CACNA1D: variants seen among roughly 807,000 people sequenced by gnomAD.
The protein encoded by CACNA1D is voltage-dependent L-type calcium channel subunit alpha-1D.
A neutral mutation model predicts 257.1 loss-of-function variants in CACNA1D; 55 were observed. The observed-to-expected ratio is 0.21, with a 90% CI of 0.17 to 0.27. CACNA1D has a LOEUF of 0.27. CACNA1D is among the 10% of genes least tolerant of loss of function. The pLI, the probability that CACNA1D is intolerant of heterozygous loss-of-function variation, is 1.00. For missense variants in CACNA1D, 1,876 were observed against 2,784.0 expected, an observed-to-expected ratio of 0.67 and a Z score of 7.34; for synonymous variants, 980 against 1,014.9, an observed-to-expected ratio of 0.97 and a Z score of 0.65.
chr3:53,629,525 G>T (rs1472439668), intron 3 of CACNA1D, among the ~76,000 whole-genome samples: 1 of 152,216 alleles, frequency 6.6e-6, no homozygotes, highest in Non-Finnish European at 1.5e-5. Flanking sequence ...TGTCACTGGG[G>T]TGACTTTCTG....
chr3:53,500,021 G>A (rs2090524032), intron 2 of CACNA1D, among the ~76,000 whole-genome samples: 1 of 151,968 alleles, frequency 6.6e-6, no homozygotes, highest in South Asian at 2.1e-4. Context: ...AAATTAGTAA[G>A]GGAATAATGT....
At chr3:53,745,932 G>T in intron 25 of CACNA1D, 57 bp downstream of exon 25, 1 of 1,349,902 alleles carries the variant, frequency 7.4e-7, no homozygotes, top group Non-Finnish European at 1.1e-6. Flanking sequence ...AGACTTCAAG[G>T]ATTCACACAT....
At chr3:53,525,143 T>C (rs772994660) in intron 3 of CACNA1D, among the ~76,000 whole-genome samples, 6 of 152,196 alleles carry the variant, frequency 3.9e-5, no homozygotes, top group Non-Finnish European at 8.8e-5. Context: ...TTGGTGTATG[T>C]CTTATCCTTA....
chr3:53,805,711 C>CCCT (rs1031103270), intron 45 of CACNA1D, among the ~76,000 whole-genome samples: 1 of 151,152 alleles, frequency 6.6e-6, no homozygotes, highest in African/African-American at 2.4e-5. Flanking sequence ...CCCTCATCTT[C>CCCT]CCTCCTCCTC....
In CACNA1D at chr3:53,799,067, C is replaced by A. The variant is rs370729512; in HGVS notation, c.4924-1182C>A. ...TGAGGTTGAAGCATTTGCTGCACAT[C>A]CATTGTCTTAGCTGTTCTCCAGGCC... On this transcript the variant is annotated intron_variant, in intron 40 of 47. Transcript: ENST00000350061. Among the ~76,000 whole-genome samples the A allele has an allele frequency of 1.1e-4, 16 of 152,324 alleles. No homozygotes were observed. In the East Asian group the frequency reaches 1.4e-3, roughly 13 times the overall value.
chr3:53,515,441 C>G (rs2091294686), intron 3 of CACNA1D, among the ~76,000 whole-genome samples: 1 of 152,176 alleles, frequency 6.6e-6, no homozygotes, highest in African/African-American at 2.4e-5. Context: ...TACGGCACTT[C>G]ATCATAGGGT....
At chr3:53,728,197 GGT>G (rs1392169345) in intron 15 of CACNA1D, among the ~76,000 whole-genome samples, 1 of 152,144 alleles carries the variant, frequency 6.6e-6, no homozygotes, top group African/African-American at 2.4e-5. Flanking sequence ...GGAGTGCAGT[GGT>G]GCAATCTCGG....
chr3:53,796,730 C>T (rs2095509282), intron 40 of CACNA1D, among the ~76,000 whole-genome samples: 1 of 152,178 alleles, frequency 6.6e-6, no homozygotes, highest in Non-Finnish European at 1.5e-5. Flanking sequence ...CAGCAGTCTA[C>T]AGGCAAAGCG....
chr3:53,494,660 G>T lies in CACNA1D; in HGVS notation c.-507G>T. 2 of 146,058 alleles carry T rather than the reference G, an allele frequency of 1.4e-5. No homozygotes were observed. Among genetic ancestry groups the T allele is most frequent in the South Asian group, 1.9e-4 (1 of 5,398 alleles). 9.0% of individuals were successfully genotyped at this position (146,058 alleles called of 1,614,324 possible). ...GCGGGCGCGGAGCGAGCGGGCGGGC[G>T]AGCGCCTCCGTCCCCGGATGTGAGC... On this transcript the variant is annotated 5_prime_UTR_variant, in exon 1 of 48. Coordinates refer to ENST00000350061, the MANE Select transcript of CACNA1D (RefSeq NM_001128840.3).
At chr3:53,605,199 G>A (rs1005766817) in intron 3 of CACNA1D, among the ~76,000 whole-genome samples, 11 of 152,200 alleles carry the variant, frequency 7.2e-5, no homozygotes, top group Non-Finnish European at 1.6e-4. Context: ...TGTGGGTAGG[G>A]AGATCCTCCA....
intron 3 of CACNA1D, among the ~76,000 whole-genome samples, chr3:53,567,586 G>A (rs973774658): frequency 3.9e-5 from 6 of 152,178 alleles, no homozygotes. Flanking sequence ...TTTGATTACA[G>A]AGGAGCGAGA....
Position 53,643,711 on chromosome 3 carries a change from G to C in CACNA1D, c.484-7068G>C, listed in dbSNP as rs544072504. ...ACATGAGAAACGAAGACCAAACCCC[G>C]TACCGTGGCACCTGGGGCCCTTTGT... On this transcript the variant is annotated intron_variant, in intron 3 of 47. Transcript: ENST00000350061. 2.0e-5 allele frequency among the ~76,000 whole-genome samples: 3 copies of C among 152,180 alleles called. No homozygotes were observed. The South Asian group carries it at 6.2e-4, about 32-fold the overall frequency.
chr3:53,524,766 T>G (rs1414405006), intron 3 of CACNA1D, among the ~76,000 whole-genome samples: 10 of 152,360 alleles, frequency 6.6e-5, no homozygotes, highest in African/African-American at 2.2e-4. Flanking sequence ...CTTTTTCACA[T>G]AGCCTGTGGA....
intron 3 of CACNA1D, among the ~76,000 whole-genome samples, chr3:53,562,454 T>C (rs1297759177): frequency 6.6e-6 from 1 of 152,250 alleles, no homozygotes; most frequent in Non-Finnish European, 1.5e-5. Context: ...ATCCATTTGG[T>C]AAAATGTGAC....
At chr3:53,577,099 A>G (rs2093050937) in intron 3 of CACNA1D, among the ~76,000 whole-genome samples, 1 of 152,152 alleles carries the variant, frequency 6.6e-6, no homozygotes, top group African/African-American at 2.4e-5. Flanking sequence ...TGGGCCTCAG[A>G]GAGACTGAGA....
Position 53,741,338 on chromosome 3 carries a change from G to A in CACNA1D, c.2811+999G>A, listed in dbSNP as rs1198970752. Among the ~76,000 whole-genome samples the A allele has an allele frequency of 2.6e-5, 4 of 152,190 alleles. 1 individual carries two copies. The highest frequency in any genetic ancestry group is 4.8e-5 in the African/African-American group (2 of 41,440). On this transcript the variant is annotated intron_variant, in intron 21 of 47. Coordinates refer to ENST00000350061, the MANE Select transcript of CACNA1D (RefSeq NM_001128840.3). ...CTTTAAGCCATTGGGGAATTTTTGTGTGTGCAATTCAGGCAAAATGTATTT... is the reference window on the plus strand; with the variant it reads ...CTTTAAGCCATTGGGGAATTTTTGTATGTGCAATTCAGGCAAAATGTATTT...
Position 53,612,535 on chromosome 3 carries a change from A to G in CACNA1D, c.484-38244A>G, listed in dbSNP as rs546161311. 4.5e-4 allele frequency among the ~76,000 whole-genome samples: 68 copies of G among 152,236 alleles called. No individual in the cohort carries two copies. In the Middle Eastern group the frequency reaches 9.5e-3, roughly 21 times the overall value. ...GCGAATGCTGGGATCTGTTCAGCTC[A>G]CAGTTTCAGAGTTGCTTTTTGCTTA... On this transcript the variant is annotated intron_variant, in intron 3 of 47. Coordinates refer to ENST00000350061, the MANE Select transcript of CACNA1D (RefSeq NM_001128840.3).
chr3:53,738,267 C>G (rs192976508), intron 20 of CACNA1D, among the ~76,000 whole-genome samples: 4 of 152,194 alleles, frequency 2.6e-5, no homozygotes, highest in Non-Finnish European at 5.9e-5. Context: ...ATTTCTGGAG[C>G]CTGGCAAGCC....
chr3:53,808,655 G>A lies in CACNA1D; in HGVS notation c.5756G>A (p.Arg1919Gln), dbSNP rs777056686. Residue 1919 changes from arginine (R) to glutamine (Q), a missense_variant, in exon 46 of 48, where the codon CGG becomes CAG. Around this residue, in one of 10 missense-constraint regions of CACNA1D, gnomAD observed 491 missense variants for 554.3 expected, o/e 0.89. Coordinates refer to ENST00000350061, the MANE Select transcript of CACNA1D (RefSeq NM_001128840.3). Reference sequence around the variant, plus strand: ...ATGCCCTTTGCTTTCCCAGCCCACCGGAGATCCTCCTTCAACTTTGAGTGC... The same window carrying A: ...ATGCCCTTTGCTTTCCCAGCCCACCAGAGATCCTCCTTCAACTTTGAGTGC... ...RLLPPTPASHRRSSFNFECLR... is the reference protein window; with the variant it reads ...RLLPPTPASHQRSSFNFECLR... The A allele has an allele frequency of 1.7e-5, 27 of 1,607,948 alleles. No individual in the cohort carries two copies. Among genetic ancestry groups the A allele is most frequent in the African/African-American group, 2.7e-5 (2 of 74,894 alleles).
Sources: allele counts gnomAD v4.1 joint callset (sites outside exome capture counted in the v4.1 genomes callset), GRCh38; gene constraint gnomAD v4.1.1; regional missense constraint gnomAD v4.1.1; transcripts MANE v1.5; gene names NCBI Gene and HGNC (gene_info 2026-07-23, HGNC 2026-07-21).